TENM1: variants seen among roughly 807,000 people sequenced by gnomAD.
The protein encoded by TENM1 is teneurin transmembrane protein 1.
Under a neutral mutation model 174.8 loss-of-function variants are expected in TENM1, and 35 were observed. The ratio of observed to expected loss-of-function variants is 0.20; its 90% CI spans 0.15 to 0.27. TENM1 has a LOEUF of 0.27. Among genes scored for constraint, TENM1 ranks in the 10% least tolerant of loss-of-function variants. The pLI, the probability that TENM1 is intolerant of heterozygous loss-of-function variation, is 1.00. For missense variants in TENM1, 1,633 were observed against 2,130.1 expected (o/e 0.77, Z 4.59); for synonymous variants, 781 against 798.7 (o/e 0.98, Z 0.37).
chrX:124,971,255 T>C, the TENM1 span, among the ~76,000 whole-genome samples: 4 of 110,556 alleles, frequency 3.6e-5, no homozygotes, highest in African/African-American at 1.3e-4. Context: ...CTGCACGTTG[T>C]GCACATGTAC....
chrX:124,497,125 C>A (rs761157887), exon 20 of TENM1: 1 of 1,210,216 alleles, frequency 8.3e-7, no homozygotes, highest in Non-Finnish European at 1.1e-6. Flanking sequence ...GCGACAGGAG[C>A]AAAGAGTTTG....
intron 3 of TENM1, among the ~76,000 whole-genome samples, chrX:124,884,501 T>C (rs959204788): frequency 2.7e-5 from 3 of 111,068 alleles, no homozygotes; most frequent in African/African-American, 6.6e-5. Context: ...TCTCCATAGC[T>C]AGGACTGCAG....
intron 3 of TENM1, among the ~76,000 whole-genome samples, chrX:124,844,946 A>T (rs1477430328): frequency 9.0e-6 from 1 of 111,419 alleles, no homozygotes; most frequent in Non-Finnish European, 1.9e-5. Flanking sequence ...TAGACCTATC[A>T]CAGGCCATGT....
chrX:124,387,062 T>G (rs995039275), intron 28 of TENM1, among the ~76,000 whole-genome samples: 6 of 106,125 alleles, frequency 5.7e-5, no homozygotes, highest in Admixed American at 5.3e-4. Flanking sequence ...TTGATTGACT[T>G]CACATACTAG....
chrX:124,791,158 G>T (rs775819311), intron 3 of TENM1, among the ~76,000 whole-genome samples: 1 of 112,052 alleles, frequency 8.9e-6, no homozygotes, highest in East Asian at 2.8e-4. Context: ...CCAATTATCT[G>T]CCTTGGTATA....
the TENM1 span, among the ~76,000 whole-genome samples, chrX:125,004,550 T>C: frequency 1.3e-3 from 151 of 112,333 alleles, 1 homozygote; most frequent in Admixed American, 2.3e-3. Context: ...GTATTAGTAA[T>C]TGCAACTTTA....
At chrX:124,464,257 T>C (rs2061217041) in intron 22 of TENM1, among the ~76,000 whole-genome samples, 1 of 111,487 alleles carries the variant, frequency 9.0e-6, no homozygotes, top group African/African-American at 3.3e-5. Context: ...GTTGTTGCAC[T>C]CTAGGGAAAA....
chrX:125,179,704 G>A, the TENM1 span, among the ~76,000 whole-genome samples: 10 of 110,376 alleles, frequency 9.1e-5, no homozygotes, highest in Non-Finnish European at 1.3e-4. Flanking sequence ...GCATCCCCTG[G>A]GAACTTGTTA....
At chrX:124,709,250 G>T (rs2052986298) in intron 4 of TENM1, among the ~76,000 whole-genome samples, 1 of 111,528 alleles carries the variant, frequency 9.0e-6, no homozygotes, top group Non-Finnish European at 1.9e-5. Context: ...GCACAGAGAG[G>T]TTAAGTCACT....
intron 22 of TENM1, among the ~76,000 whole-genome samples, chrX:124,465,910 G>C (rs2061236153): frequency 9.0e-6 from 1 of 111,158 alleles, no homozygotes; most frequent in Admixed American, 9.7e-5. Flanking sequence ...CAAATTTGTT[G>C]CTTGAAAAAC....
chrX:124,415,338 T>C lies in TENM1; in HGVS notation c.4982+4973A>G, dbSNP rs142345718. ...AGAGGTACCTTCTCCTTTCAACAGA[T>C]GCTATTTGACCAAGAGGGTTTCAGT... On this transcript the variant is annotated intron_variant, in intron 25 of 31. Transcript: ENST00000422452. Among the ~76,000 whole-genome samples the C allele has an allele frequency of 4.6e-3, 519 of 111,919 alleles. 4 individuals are homozygous for C. The highest frequency in any genetic ancestry group is 0.016 in the African/African-American group (482 of 30,786).
intron 25 of TENM1, 111 bp from the exon 29 acceptor site, chrX:124,406,600 G>A: frequency 2.1e-6 from 1 of 466,870 alleles, no homozygotes; most frequent in Non-Finnish European, 3.6e-6. Flanking sequence ...GTGATAACAA[G>A]TATTATTAAC....
the TENM1 span, among the ~76,000 whole-genome samples, chrX:125,091,161 A>G: frequency 9.0e-6 from 1 of 110,840 alleles, no homozygotes; most frequent in African/African-American, 3.3e-5. Context: ...AAGTAGAAAG[A>G]AAAAAAAGAT....
At chrX:124,799,302 A>G (rs992697959) in intron 3 of TENM1, among the ~76,000 whole-genome samples, 3 of 111,117 alleles carry the variant, frequency 2.7e-5, no homozygotes, top group African/African-American at 9.8e-5. Flanking sequence ...CATTTTCATG[A>G]TATTGATTCT....
At chrX:124,388,271 C>G (rs933203130) in intron 28 of TENM1, among the ~76,000 whole-genome samples, 1 of 111,020 alleles carries the variant, frequency 9.0e-6, no homozygotes, top group Non-Finnish European at 1.9e-5. Flanking sequence ...ATTTATGGCA[C>G]GTCGTTGTTA....
chrX:124,519,251 AT>A (rs777915121), intron 18 of TENM1, among the ~76,000 whole-genome samples: 37 of 111,349 alleles, frequency 3.3e-4, no homozygotes, highest in African/African-American at 1.1e-3. Context: ...GTACTTTCTT[AT>A]TTTTTTGTGT....
At chrX:125,075,824 C>G in the TENM1 span, among the ~76,000 whole-genome samples, 2 of 111,286 alleles carry the variant, frequency 1.8e-5, no homozygotes, top group African/African-American at 6.5e-5. Flanking sequence ...CATGCTGCCA[C>G]TAATCCTCAG....
chrX:124,498,168 G>T (rs73215109), intron 19 of TENM1, among the ~76,000 whole-genome samples: 156 of 111,388 alleles, frequency 1.4e-3, no homozygotes, highest in Non-Finnish European at 2.3e-3. Context: ...TGGAAATCTG[G>T]ACATCACCAT....
chrX:124,645,630 A>G (rs1299569680), intron 9 of TENM1, among the ~76,000 whole-genome samples: 3 of 111,970 alleles, frequency 2.7e-5, no homozygotes, highest in African/African-American at 9.7e-5. Context: ...TTTCTTTCTT[A>G]TATTTTTCTT....
Sources: allele counts gnomAD v4.1 joint callset (sites outside exome capture counted in the v4.1 genomes callset), GRCh38; gene constraint gnomAD v4.1.1; transcripts MANE v1.5; gene names NCBI Gene and HGNC (gene_info 2026-07-23, HGNC 2026-07-21).